Variants in KCNT2 observed in about 807,000 individuals in gnomAD.
The protein encoded by KCNT2 is potassium sodium-activated channel subfamily T member 2.
KCNT2 carries 67 observed loss-of-function variants against 153.8 expected under a neutral mutation model. The ratio of observed to expected loss-of-function variants is 0.44; its 90% CI spans 0.36 to 0.53. The LOEUF is 0.53. Ranked by LOEUF, KCNT2 falls within the 20% of genes least tolerant of loss-of-function variation. The pLI is 0.00. For synonymous variants in KCNT2, 500 were observed against 458.8 expected (o/e 1.09, Z -1.15); for missense variants, 975 against 1,354.8 (o/e 0.72, Z 4.40).
chr1:196,343,822 C>A (rs1665896125), intron 14 of KCNT2, among the ~76,000 whole-genome samples: 1 of 152,006 alleles, frequency 6.6e-6, no homozygotes, highest in Non-Finnish European at 1.5e-5. Context: ...CTTTGTCGCC[C>A]AGGCTGGACA....
chr1:196,466,278 C>T (rs1677608051), intron 7 of KCNT2, among the ~76,000 whole-genome samples: 1 of 151,812 alleles, frequency 6.6e-6, no homozygotes. Context: ...TTTAGGCAAT[C>T]TATATTTAGT....
intron 22 of KCNT2, among the ~76,000 whole-genome samples, chr1:196,302,089 A>C (rs1454298711): frequency 6.6e-6 from 1 of 152,168 alleles, no homozygotes. Context: ...CTCACCTGTG[A>C]AGGTGCAAGG....
At chr1:196,602,770 ATTTTTTT>A (rs148932905) in intron 1 of KCNT2, among the ~76,000 whole-genome samples, 6 of 84,630 alleles carry the variant, frequency 7.1e-5, no homozygotes, top group African/African-American at 2.6e-4. Context: ...TTCAAAGTCT[ATTTTTTT>A]TTTTTTTTTT....
At chr1:196,471,742 A>G (rs942972234) in intron 5 of KCNT2, among the ~76,000 whole-genome samples, 8 of 152,118 alleles carry the variant, frequency 5.3e-5, no homozygotes, top group Admixed American at 3.9e-4. Flanking sequence ...TCTTCTCTTC[A>G]TTTCCATTTA....
At chr1:196,248,085 A>T (rs1362587598) in intron 26 of KCNT2, among the ~76,000 whole-genome samples, 1 of 152,158 alleles carries the variant, frequency 6.6e-6, no homozygotes, top group Admixed American at 6.6e-5. Context: ...AAATTGAAAG[A>T]TTTCTCAAAA....
At chr1:196,602,053 T>C (rs1251952928) in intron 1 of KCNT2, among the ~76,000 whole-genome samples, 1 of 152,110 alleles carries the variant, frequency 6.6e-6, no homozygotes, top group Non-Finnish European at 1.5e-5. Flanking sequence ...CCATATCCAA[T>C]CAAGGATTGT....
rs1252037413 is a variant in KCNT2, at chr1:196,227,612, A to G, written c.*612T>C. On this transcript the variant is annotated 3_prime_UTR_variant, in exon 28 of 28. Coordinates refer to ENST00000294725, the MANE Select transcript of KCNT2 (RefSeq NM_198503.5). ...TTTAGTTTCTTCAATGTAATAAAAC[A>G]TGCTATGAACATCTCAAATTCTAAG... 2 of 152,522 alleles carry G rather than the reference A, an allele frequency of 1.3e-5. No homozygotes were observed. The highest frequency in any genetic ancestry group is 4.8e-5 in the African/African-American group (2 of 41,458). 9.4% of individuals were successfully genotyped at this position (152,522 alleles called of 1,614,324 possible). A position where few individuals can be genotyped will look rare whatever the true frequency, so the allele number is the denominator to read the frequency against.
chr1:196,571,520 T>C (rs1432722884), intron 1 of KCNT2, among the ~76,000 whole-genome samples: 2 of 152,148 alleles, frequency 1.3e-5, no homozygotes, highest in Non-Finnish European at 2.9e-5. Flanking sequence ...AGTTTGTCAA[T>C]ACAAGTCAAA....
intron 25 of KCNT2, among the ~76,000 whole-genome samples, chr1:196,269,682 A>G (rs1657888133): frequency 6.6e-6 from 1 of 152,104 alleles, no homozygotes; most frequent in South Asian, 2.1e-4. Context: ...ACCTGCCATA[A>G]AAAATACCTA....
chr1:196,421,462 C>T (rs986981699), intron 12 of KCNT2, among the ~76,000 whole-genome samples: 9 of 151,930 alleles, frequency 5.9e-5, no homozygotes, highest in Admixed American at 1.3e-4. Context: ...AATATAGAAA[C>T]ACTTGATTAT....
At chr1:196,361,337 C>T (rs1016357299) in intron 14 of KCNT2, among the ~76,000 whole-genome samples, 5 of 151,892 alleles carry the variant, frequency 3.3e-5, no homozygotes, top group South Asian at 2.1e-4. Context: ...GGATATGTCC[C>T]GAAGGTTACC....
At chr1:196,484,144 G>A (rs1679229389) in intron 3 of KCNT2, among the ~76,000 whole-genome samples, 1 of 152,038 alleles carries the variant, frequency 6.6e-6, no homozygotes, top group African/African-American at 2.4e-5. Context: ...GAACAGAAGT[G>A]CGTATTTTCA....
At chr1:196,533,814 A>T (rs4405100) in intron 1 of KCNT2, among the ~76,000 whole-genome samples, 118,189 of 151,980 alleles carry the variant, frequency 0.78, 49,535 homozygotes, top group East Asian at 0.97. Context: ...AATTTAAAAA[A>T]AATAAATGTT....
At chr1:196,452,952 A>C (rs561334168) in intron 8 of KCNT2, among the ~76,000 whole-genome samples, 1 of 152,086 alleles carries the variant, frequency 6.6e-6, no homozygotes, top group South Asian at 2.1e-4. Context: ...CCTAACAGAA[A>C]CACTCAGAAT....
chr1:196,473,648 T>C (rs538525559), intron 5 of KCNT2, among the ~76,000 whole-genome samples: 32 of 152,316 alleles, frequency 2.1e-4, no homozygotes, highest in Admixed American at 6.5e-4. Flanking sequence ...TGCATTGAGT[T>C]TAATTCTAAG....
chr1:196,477,309 G>C (rs1402127239), intron 5 of KCNT2, among the ~76,000 whole-genome samples: 1 of 152,140 alleles, frequency 6.6e-6, no homozygotes, highest in Admixed American at 6.5e-5. Flanking sequence ...GAGAGGGACA[G>C]ATGCAGTGGC....
intron 1 of KCNT2, among the ~76,000 whole-genome samples, chr1:196,591,345 C>T (rs1663342827): frequency 6.6e-6 from 1 of 152,106 alleles, no homozygotes; most frequent in Admixed American, 6.6e-5. Context: ...ACCATGCTTG[C>T]ACAGCCTGAA....
At position 196,257,358 on chromosome 1, in the gene KCNT2, G is replaced by T; in HGVS notation, c.3211+836C>A. 1.1e-5 allele frequency: 11 copies of T among 979,010 alleles called. 1 individual carries two copies. The highest frequency in any genetic ancestry group is 1.3e-5 in the Non-Finnish European group (11 of 824,092). 60.6% of individuals were successfully genotyped at this position (979,010 alleles called of 1,614,324 possible). A position where few individuals can be genotyped will look rare whatever the true frequency, so the allele number is the denominator to read the frequency against. On this transcript the variant is annotated intron_variant, in intron 26 of 27. Transcript: ENST00000294725. ...TCCTAAGAACATTGCCTCATGTTGA[G>T]ATTTCAATAATAAACAAGAGAAAAG...
At chr1:196,282,539 C>T (rs956665842) in intron 23 of KCNT2, among the ~76,000 whole-genome samples, 183 bp from the exon 24 acceptor site, 1 of 152,056 alleles carries the variant, frequency 6.6e-6, no homozygotes, top group Non-Finnish European at 1.5e-5. Context: ...TAAACATGTA[C>T]AGTTAAGCTG....
Sources: gnomAD v4.1 joint callset for allele counts (sites outside exome capture counted in the v4.1 genomes callset) on GRCh38, gnomAD v4.1.1 for gene constraint, MANE v1.5 for transcripts, NCBI Gene and HGNC (gene_info 2026-07-23, HGNC 2026-07-21) for gene names.